Variants in STRN3 observed in about 807,000 individuals in gnomAD.
The protein encoded by STRN3 is striatin-3.
A neutral mutation model predicts 95.6 loss-of-function variants in STRN3; 29 were observed. The observed-to-expected ratio is 0.30, with a 90% CI of 0.23 to 0.41. The LOEUF (loss-of-function observed/expected upper bound fraction) is 0.41. Among genes scored for constraint, STRN3 ranks in the 10% least tolerant of loss-of-function variants. The probability of loss-of-function intolerance (pLI) is 1.00; values close to 1 mark genes in which losing one functional copy is unlikely to be tolerated. For synonymous variants in STRN3, 331 were observed against 357.6 expected, an observed-to-expected ratio of 0.93 and a Z score of 0.84; for missense variants, 890 against 972.1, an observed-to-expected ratio of 0.92 and a Z score of 1.12.
In STRN3 at chr14:30,918,955, A is replaced by G; in HGVS notation, c.1240+11T>C. Reference sequence around the variant, plus strand: ...TGAAATGTAAATAAACATGGTAGCTAAATTTTGTACCTTCCTCTGCTCTTG... The same window carrying G: ...TGAAATGTAAATAAACATGGTAGCTGAATTTTGTACCTTCCTCTGCTCTTG... On this transcript the variant is annotated intron_variant, in intron 9 of 17. Transcript: ENST00000357479. The G allele has an allele frequency of 6.4e-7, 1 of 1,556,240 alleles. No individual in the cohort carries two copies. The highest frequency in any genetic ancestry group is 8.7e-7 in the Non-Finnish European group (1 of 1,148,472).
chr14:30,972,134 T>G (rs954902835), intron 1 of STRN3, among the ~76,000 whole-genome samples: 1 of 152,192 alleles, frequency 6.6e-6, no homozygotes, highest in African/African-American at 2.4e-5. Flanking sequence ...TTAAACTTCC[T>G]CGTAAAGCAA....
At chr14:30,929,396 A>G in intron 7 of STRN3, 85 bp from the exon 8 acceptor site, 1 of 1,029,156 alleles carries the variant, frequency 9.7e-7, no homozygotes, top group Non-Finnish European at 1.5e-6. Context: ...GCTTTACATA[A>G]TCATAATAAA....
chr14:31,006,832 C>T (rs1882741007), intron 1 of STRN3, among the ~76,000 whole-genome samples: 1 of 152,060 alleles, frequency 6.6e-6, no homozygotes, highest in Admixed American at 6.6e-5. Flanking sequence ...TTAATGTAGC[C>T]TGGTGCAACA....
intron 1 of STRN3, among the ~76,000 whole-genome samples, chr14:31,012,894 C>CA (rs58755942): frequency 0.013 from 1,041 of 79,016 alleles, 5 homozygotes; most frequent in African/African-American, 0.035. Context: ...AACTCCGTCT[C>CA]AAAAAAAAAA....
At chr14:30,987,439 A>G (rs1348104607) in intron 1 of STRN3, among the ~76,000 whole-genome samples, 1 of 152,024 alleles carries the variant, frequency 6.6e-6, no homozygotes, top group Non-Finnish European at 1.5e-5. Context: ...CCCAGGAGGC[A>G]GAGCTTGCAG....
intron 14 of STRN3, among the ~76,000 whole-genome samples, chr14:30,906,461 G>A (rs567948348): frequency 6.6e-6 from 1 of 152,210 alleles, no homozygotes; most frequent in Non-Finnish European, 1.5e-5. Context: ...GTTCCAGTTA[G>A]GGGTTCAGTG....
intron 1 of STRN3, among the ~76,000 whole-genome samples, chr14:31,009,813 A>G (rs1882886472): frequency 6.6e-6 from 1 of 152,230 alleles, no homozygotes; most frequent in African/African-American, 2.4e-5. Context: ...AATCAGTAAA[A>G]AAGAAGCCAG....
At chr14:30,929,012 T>A (rs1201724794) in intron 8 of STRN3, among the ~76,000 whole-genome samples, 189 bp downstream of exon 8, 1 of 152,156 alleles carries the variant, frequency 6.6e-6, no homozygotes, top group African/African-American at 2.4e-5. Context: ...TTTTAAATGA[T>A]TTTCTACTTG....
intron 16 of STRN3, among the ~76,000 whole-genome samples, chr14:30,896,423 G>A (rs1347333620): frequency 3.3e-5 from 5 of 152,112 alleles, no homozygotes; most frequent in Admixed American, 6.5e-5. Flanking sequence ...CTTGAACCCA[G>A]GAGTTCAAGG....
chr14:30,992,905 G>C (rs1378809020), intron 1 of STRN3, among the ~76,000 whole-genome samples: 2 of 152,108 alleles, frequency 1.3e-5, no homozygotes, highest in Non-Finnish European at 2.9e-5. Context: ...GCCTAGGCTG[G>C]TCTCAAACTA....
chr14:30,940,866 A>T (rs893313156), intron 5 of STRN3, among the ~76,000 whole-genome samples: 44 of 152,226 alleles, frequency 2.9e-4, no homozygotes, highest in African/African-American at 1.1e-3. Flanking sequence ...TGTACTGTCT[A>T]CATGGGTGCC....
intron 9 of STRN3, 132 bp downstream of exon 9, chr14:30,918,834 G>A: frequency 2.2e-6 from 2 of 901,652 alleles, no homozygotes; most frequent in Non-Finnish European, 3.1e-6. Flanking sequence ...TCAAGAGCTT[G>A]CCCAACACCT....
At chr14:30,914,744 CCA>C (rs1896693913) in intron 9 of STRN3, among the ~76,000 whole-genome samples, 1 of 152,204 alleles carries the variant, frequency 6.6e-6, no homozygotes, top group African/African-American at 2.4e-5. Flanking sequence ...GTAATCTTGA[CCA>C]CAGAGCTTTA....
chr14:31,002,470 CAAAAAAA>C (rs59491889), intron 1 of STRN3, among the ~76,000 whole-genome samples: 1 of 81,616 alleles, frequency 1.2e-5, no homozygotes, highest in African/African-American at 4.8e-5. Flanking sequence ...GACTCTGTCT[CAAAAAAA>C]AAAAAAAAAA....
rs529056872 is a variant in STRN3, at chr14:30,925,246, TA to T, written c.1099+3954del. Among the ~76,000 whole-genome samples, 136 of 141,908 alleles carry T rather than the reference TA, an allele frequency of 9.6e-4. 2 individuals carry two copies. The highest frequency in any genetic ancestry group is 6.3e-3 in the South Asian group (26 of 4,106). 93.1% of individuals were successfully genotyped at this position (141,908 alleles called of 152,430 possible). On this transcript the variant is annotated intron_variant, in intron 8 of 17. Coordinates refer to ENST00000357479, the MANE Select transcript of STRN3 (RefSeq NM_001083893.2). The stretch of plus-strand genomic sequence containing the variant: ...TGGGGGGAGGGGGCGGGCAGGGGGG[TA>T]AAAAAAAGAAGGGTGAGATGGAGTG...
Position 30,906,906 on chromosome 14 carries a change from G to T in STRN3, c.1859C>A (p.Pro620Gln). The change falls in exon 14 of 18, where the codon CCA (proline) becomes CAA (glutamine). Residue 620 changes from proline (P) to glutamine (Q), a missense_variant. Coordinates refer to ENST00000357479, the MANE Select transcript of STRN3 (RefSeq NM_001083893.2). ...VRLWNPQEKLPCICTYNGDKK... is the reference protein window; with the variant it reads ...VRLWNPQEKLQCICTYNGDKK... ...ATCTCCATTGTAAGTGCAAATACATGGCAATTTTTCTTGTGGATTCCATAA... is the reference window on the plus strand; with the variant it reads ...ATCTCCATTGTAAGTGCAAATACATTGCAATTTTTCTTGTGGATTCCATAA... 2 of 1,612,530 alleles carry T rather than the reference G, an allele frequency of 1.2e-6. No individual in the cohort carries two copies. Among genetic ancestry groups the T allele is most frequent in the South Asian group, 2.2e-5 (2 of 90,666 alleles).
At chr14:30,915,776 A>G (rs2139002581) in intron 9 of STRN3, among the ~76,000 whole-genome samples, 1 of 152,288 alleles carries the variant, frequency 6.6e-6, no homozygotes, top group East Asian at 1.9e-4. Context: ...ACTGACACAA[A>G]TCTCAAAAGC....
At chr14:30,954,312 C>T (rs1879796925) in intron 3 of STRN3, among the ~76,000 whole-genome samples, 1 of 152,030 alleles carries the variant, frequency 6.6e-6, no homozygotes, top group Non-Finnish European at 1.5e-5. Context: ...TAGGTTTAGG[C>T]TGTATCTATT....
chr14:30,975,899 G>C (rs530730717), intron 1 of STRN3, among the ~76,000 whole-genome samples: 1 of 149,240 alleles, frequency 6.7e-6, no homozygotes, highest in East Asian at 2.0e-4. Flanking sequence ...TAAGTCCTAG[G>C]ATAACTACTA....
Sources: allele counts gnomAD v4.1 joint callset (sites outside exome capture counted in the v4.1 genomes callset), GRCh38; gene constraint gnomAD v4.1.1; transcripts MANE v1.5; gene names NCBI Gene and HGNC (gene_info 2026-07-23, HGNC 2026-07-21).